DIXDC1: variants seen among roughly 807,000 people sequenced by gnomAD.
DIXDC1 encodes dixin.
A neutral mutation model predicts 103.1 loss-of-function variants in DIXDC1; 64 were observed. The observed-to-expected ratio is 0.62, with a 90% CI of 0.51 to 0.76. The LOEUF is 0.76. Among genes scored for constraint, DIXDC1 ranks in the 30% least tolerant of loss-of-function variants. The probability of loss-of-function intolerance (pLI) is 0.00; values close to 1 mark genes in which losing one functional copy is unlikely to be tolerated. For synonymous variants in DIXDC1, 266 were observed against 298.5 expected (o/e 0.89, Z 1.12); for missense variants, 759 against 834.2 (o/e 0.91, Z 1.11).
At position 111,974,129 on chromosome 11, in the gene DIXDC1, A is replaced by G. The variant is rs782787543; in HGVS notation, c.423A>G (p.Arg141=). ...CGGTGAACCAAGGACGGGACTCCAG[A>G]GCCCCTCTGCAAAGTCACCGACCAC... is the stretch of plus-strand genomic sequence containing the variant. The part of the protein sequence containing the change: ...SRTVNQGRDS[R]APLQSHRPHC... Residue 141 remains arginine, a synonymous_variant, in exon 4 of 20, where the codon AGA becomes AGG. Transcript: ENST00000440460. 1.2e-6 allele frequency: 2 copies of G among 1,614,036 alleles called. No individual in the cohort carries two copies. The highest frequency in any genetic ancestry group is 1.7e-6 in the Non-Finnish European group (2 of 1,179,902).
At chr11:111,946,745 G>T (rs1046924074) in intron 1 of DIXDC1, 1 of 472,310 alleles carries the variant, frequency 2.1e-6, no homozygotes, top group Non-Finnish European at 4.3e-6. Flanking sequence ...AGTCGGCCTG[G>T]GCACACGCCA....
intron 12 of DIXDC1, 145 bp from the exon 13 acceptor site, chr11:111,993,351 T>C: frequency 1.3e-6 from 1 of 753,328 alleles, no homozygotes; most frequent in South Asian, 1.8e-5. Context: ...ATTATTATGG[T>C]GTGTAAAGTC....
Position 111,977,538 on chromosome 11 carries a change from G to A in DIXDC1, c.656+2555G>A, listed in dbSNP as rs1362081032. 3 of 1,440,102 alleles carry A rather than the reference G, an allele frequency of 2.1e-6. No individual in the cohort carries two copies. The highest frequency in any genetic ancestry group is 2.7e-6 in the Non-Finnish European group (3 of 1,098,486). 89.2% of individuals were successfully genotyped at this position (1,440,102 alleles called of 1,614,324 possible). On this transcript the variant is annotated intron_variant, in intron 5 of 19. Transcript: ENST00000440460. The surrounding 1 kb of genome is among the most constrained non-coding windows in gnomAD (Gnocchi z 6.1). Reference sequence around the variant, plus strand: ...CTGCACAGTCTGAGCGGCCGGGACTGCGCGCTTCAGAGCCTGGAGCATCCC... The same window carrying A: ...CTGCACAGTCTGAGCGGCCGGGACTACGCGCTTCAGAGCCTGGAGCATCCC...
intron 1 of DIXDC1, among the ~76,000 whole-genome samples, chr11:111,942,764 T>C (rs1966461200): frequency 1.3e-5 from 2 of 152,238 alleles, no homozygotes; most frequent in Non-Finnish European, 2.9e-5. Flanking sequence ...TTTTGACCAC[T>C]GGGCTGAATA....
At chr11:111,946,706 CT>C in intron 1 of DIXDC1, 1 of 376,998 alleles carries the variant, frequency 2.7e-6, no homozygotes, top group Non-Finnish European at 5.4e-6. Flanking sequence ...CTCTTAAGAA[CT>C]TTAGGTGTCA....
intron 10 of DIXDC1, among the ~76,000 whole-genome samples, chr11:111,992,150 G>T (rs782821065): frequency 6.6e-5 from 10 of 152,072 alleles, no homozygotes; most frequent in Non-Finnish European, 1.3e-4. Context: ...GATTGAGGGT[G>T]GGGACAAATA....
At chr11:111,994,808 C>T (rs1249076158) in intron 14 of DIXDC1, among the ~76,000 whole-genome samples, 3 of 151,910 alleles carry the variant, frequency 2.0e-5, no homozygotes, top group Admixed American at 6.6e-5. Context: ...TCCAACAATG[C>T]GTACTAAGTG....
At chr11:111,952,721 G>A (rs56845412) in intron 1 of DIXDC1, among the ~76,000 whole-genome samples, 1,544 of 151,890 alleles carry the variant, frequency 0.01, 47 homozygotes, top group African/African-American at 0.036. Context: ...TTAGGAGGCC[G>A]AGGCAGGAGA....
chr11:112,013,321 TGGGGGTGGGGTGGGGGG>T (rs1276289341), intron 17 of DIXDC1, among the ~76,000 whole-genome samples: 3 of 35,710 alleles, frequency 8.4e-5, no homozygotes, highest in African/African-American at 2.9e-4. Flanking sequence ...GGTCGGGGGG[TGGGGGTGGGGTGGGGGG>T]GGGGAACAAA....
chr11:111,937,139 G>GGT, upstream of DIXDC1: 1 of 745,910 alleles, frequency 1.3e-6, no homozygotes, highest in Non-Finnish European at 1.6e-6. Context: ...GGCGGGGGGG[G>GGT]GGTGTGCGCG....
intron 2 of DIXDC1, among the ~76,000 whole-genome samples, chr11:111,966,570 ATTT>A (rs1313630075): frequency 6.6e-6 from 1 of 151,692 alleles, no homozygotes; most frequent in Non-Finnish European, 1.5e-5. Context: ...CGCCCGGCTA[ATTT>A]TTTGTATTTT....
chr11:111,977,881 G>C lies in DIXDC1; in HGVS notation c.657-2856G>C. 6.9e-7 allele frequency: 1 copy of C among 1,453,308 alleles called. No individual in the cohort carries two copies. Among genetic ancestry groups the C allele is most frequent in the South Asian group, 1.4e-5 (1 of 71,620 alleles). 90.0% of individuals were successfully genotyped at this position (1,453,308 alleles called of 1,614,324 possible). A position where few individuals can be genotyped will look rare whatever the true frequency, so the allele number is the denominator to read the frequency against. On this transcript the variant is annotated intron_variant, in intron 5 of 19. Transcript: ENST00000440460. This position sits in a 1 kb window ranked among gnomAD's most constrained non-coding sequence, Gnocchi z 6.1. ...GGAGGATGCTGTTGGCCGGAGACAGGCGGGGTGGTGGGAGCATTATGTTGG... is the reference window on the plus strand; with the variant it reads ...GGAGGATGCTGTTGGCCGGAGACAGCCGGGGTGGTGGGAGCATTATGTTGG...
At chr11:111,936,874 G>T (rs1208738246), upstream of DIXDC1, among the ~76,000 whole-genome samples, 3 of 149,480 alleles carry the variant, frequency 2.0e-5, no homozygotes, top group Non-Finnish European at 4.4e-5. Context: ...GTGTGTGTGT[G>T]TGTGTGTTGC....
chr11:111,966,413 T>C (rs1859738267), intron 2 of DIXDC1, among the ~76,000 whole-genome samples: 1 of 140,954 alleles, frequency 7.1e-6, no homozygotes, highest in Non-Finnish European at 1.5e-5. Context: ...TTTTTTTTTT[T>C]TTTTTTTTGA....
At chr11:111,969,566 C>G (rs1221192520) in intron 3 of DIXDC1, among the ~76,000 whole-genome samples, 1 of 152,132 alleles carries the variant, frequency 6.6e-6, no homozygotes, top group Non-Finnish European at 1.5e-5. Flanking sequence ...ATTTTGAGCC[C>G]AGGCTTCAAG....
chr11:111,932,026 CCTTT>C (rs1347448434), intron 2 of DIXDC1, among the ~76,000 whole-genome samples: 14 of 137,880 alleles, frequency 1.0e-4, no homozygotes, highest in African/African-American at 3.9e-4. Context: ...TGGCAGATAA[CCTTT>C]TTTTTTTTTT....
In DIXDC1 at chr11:111,958,468, GGT is replaced by G. The variant is rs1859463631; in HGVS notation, c.61-6077_61-6076del. On this transcript the variant is annotated intron_variant, in intron 1 of 19. Transcript: ENST00000440460. This position sits in a 1 kb window ranked among gnomAD's most constrained non-coding sequence, Gnocchi z 4.2. ...CCCGGGCACTGCCACAACCTGGCTG[GGT>G]GTGCACAGGGTTGGGGCAGCACTGA... 6.6e-6 allele frequency among the ~76,000 whole-genome samples: 1 copy of G among 152,236 alleles called. No individual in the cohort carries two copies. Among genetic ancestry groups the G allele is most frequent in the Admixed American group, 6.5e-5 (1 of 15,282 alleles).
At chr11:111,933,522 C>T (rs1966098266), upstream of DIXDC1, among the ~76,000 whole-genome samples, 3 of 152,188 alleles carry the variant, frequency 2.0e-5, no homozygotes, top group South Asian at 4.1e-4. Context: ...CTCAACCTCC[C>T]GGGCTCAAGC....
intron 1 of DIXDC1, among the ~76,000 whole-genome samples, chr11:111,938,513 C>T (rs1304958145): frequency 6.6e-6 from 1 of 152,188 alleles, no homozygotes; most frequent in Non-Finnish European, 1.5e-5. Context: ...TCAGTTTTTA[C>T]TCAACATATG....
Sources: gnomAD v4.1 joint callset for allele counts (sites outside exome capture counted in the v4.1 genomes callset) on GRCh38, gnomAD v4.1.1 for gene constraint, Gnocchi (gnomAD v3.1) non-coding constraint, MANE v1.5 for transcripts, NCBI Gene and HGNC (gene_info 2026-07-23, HGNC 2026-07-21) for gene names.